Variants in EPHB2 observed in about 807,000 individuals in gnomAD.
The protein encoded by EPHB2 is EPH receptor B2, also known as ephrin type-B receptor 2.
Under a neutral mutation model 96.4 loss-of-function variants are expected in EPHB2, and 18 were observed. The observed-to-expected ratio is 0.19, with a 90% CI of 0.13 to 0.28. EPHB2 has a LOEUF of 0.28. Among genes scored for constraint, EPHB2 ranks in the 10% least tolerant of loss-of-function variants. The probability of loss-of-function intolerance (pLI) is 1.00; values close to 1 mark genes in which losing one functional copy is unlikely to be tolerated. For synonymous variants in EPHB2, 506 were observed against 534.1 expected (o/e 0.95, Z 0.72); for missense variants, 989 against 1,355.4 (o/e 0.73, Z 4.25).
At chr1:22,839,742 C>T (rs761689633) in intron 3 of EPHB2, among the ~76,000 whole-genome samples, 2 of 152,234 alleles carry the variant, frequency 1.3e-5, no homozygotes, top group East Asian at 1.9e-4. Context: ...TAGAAGGCAT[C>T]GTAGCAGGGC....
chr1:22,903,839 GA>G (rs1334451573), intron 9 of EPHB2, among the ~76,000 whole-genome samples: 9 of 151,792 alleles, frequency 5.9e-5, no homozygotes, highest in Admixed American at 2.0e-4. Context: ...GGAGAAATCA[GA>G]AAAAAAACAT....
intron 1 of EPHB2, among the ~76,000 whole-genome samples, chr1:22,779,738 T>A (rs1346934686): frequency 6.6e-6 from 1 of 152,234 alleles, no homozygotes; most frequent in Non-Finnish European, 1.5e-5. Context: ...GTGCTTCAGT[T>A]GCCCTGTCTC....
chr1:22,919,740 A>G lies in EPHB2; in HGVS notation c.*6170A>G, dbSNP rs1640351148. On this transcript the variant is annotated 3_prime_UTR_variant, in exon 16 of 16. Coordinates refer to ENST00000374630, the MANE Select transcript of EPHB2 (RefSeq NM_017449.5). ...GGGAGGAGGTCACAGCCAGGACCAC[A>G]TACACTCTTGGGGGCCCTGCTGAGA... 6.6e-6 allele frequency: 1 copy of G among 152,338 alleles called. No homozygotes were observed. Among genetic ancestry groups the G allele is most frequent in the Admixed American group, 6.5e-5 (1 of 15,284 alleles). The allele number at this position is 152,338 out of a possible 1,614,324, so 9.4% of individuals were successfully genotyped here.
rs146725377 is a variant in EPHB2 at position 22,805,141 on chromosome 1, A to G, written c.811+20065A>G. Among the ~76,000 whole-genome samples the G allele has an allele frequency of 5.6e-3, 839 of 149,928 alleles. 9 individuals carry two copies. Among genetic ancestry groups the G allele is most frequent in the Middle Eastern group, 0.024 (7 of 286 alleles). ...CTCCCAGGGCTGGCATCCTGCAGGT[A>G]CGGGATGAGCCATGCACCCGGAGTC... is the stretch of plus-strand genomic sequence containing the variant. On this transcript the variant is annotated intron_variant, in intron 3 of 15. Coordinates refer to ENST00000374630, the MANE Select transcript of EPHB2 (RefSeq NM_017449.5).
chr1:22,893,006 G>A lies in EPHB2; in HGVS notation c.1551G>A (p.Gly517=). The stretch of plus-strand genomic sequence containing the variant: ...GGGCACGCACCGTGGCAGGTTACGG[G>A]CGCTACAGCGGCAAGATGTACTTCC... The part of the protein sequence containing the change: ...QVRARTVAGY[G]RYSGKMYFQT... Residue 517 remains glycine, a synonymous_variant, in exon 7 of 16, where the codon GGG becomes GGA. Coordinates refer to ENST00000374630, the MANE Select transcript of EPHB2 (RefSeq NM_017449.5). 6.2e-7 allele frequency: 1 copy of A among 1,614,240 alleles called. No individual in the cohort carries two copies. The highest frequency in any genetic ancestry group is 8.5e-7 in the Non-Finnish European group (1 of 1,180,038).
At chr1:22,730,684 C>G (rs1643688859) in intron 1 of EPHB2, among the ~76,000 whole-genome samples, 1 of 152,006 alleles carries the variant, frequency 6.6e-6, no homozygotes, top group African/African-American at 2.4e-5. Flanking sequence ...TGGGCAAAGG[C>G]CCTGTGACAG....
chr1:22,748,257 A>G (rs1644005999), intron 1 of EPHB2, among the ~76,000 whole-genome samples: 1 of 151,992 alleles, frequency 6.6e-6, no homozygotes, highest in Admixed American at 6.6e-5. Flanking sequence ...CCTTCATCAT[A>G]CCCTGCCAAC....
rs776007116 is a variant in EPHB2 at position 22,906,795 on chromosome 1, C to T, written c.1974C>T (p.Gly658=). Residue 658 remains glycine, a synonymous_variant, in exon 11 of 16, where the codon GGC becomes GGT. Coordinates refer to ENST00000374630, the MANE Select transcript of EPHB2 (RefSeq NM_017449.5). This position sits in a 1 kb window ranked among gnomAD's most constrained non-coding sequence, Gnocchi z 4.8. ...IFVAIKTLKS[G]YTEKQRRDFL... is the part of the protein sequence containing the mutation. ...TGGCCATCAAGACGCTCAAGTCGGG[C>T]TACACGGAGAAGCAGCGCCGGGACT... The T allele has an allele frequency of 7.4e-6, 12 of 1,614,092 alleles. No individual in the cohort carries two copies. The Admixed American group carries it at 1.5e-4, about 20-fold the overall frequency.
chr1:22,909,323 G>C, intron 13 of EPHB2, 152 bp downstream of exon 13: 1 of 1,268,438 alleles, frequency 7.9e-7, no homozygotes. Flanking sequence ...CCAGCCCAAT[G>C]GTGGCTGATT....
intron 1 of EPHB2, among the ~76,000 whole-genome samples, chr1:22,711,561 G>A (rs1643145528): frequency 6.6e-6 from 1 of 151,768 alleles, no homozygotes; most frequent in Non-Finnish European, 1.5e-5. Context: ...CGGAGAGCAG[G>A]GACTGGCAGA....
Position 22,784,605 on chromosome 1 carries a change from T to C in EPHB2, c.340T>C (p.Tyr114His), listed in dbSNP as rs1644581088. 6.2e-7 allele frequency: 1 copy of C among 1,614,134 alleles called. No homozygotes were observed. ...CTCCTGCAAGGAGACCTTCAACCTC[T>C]ATTACTATGAGGCTGACTTTGACTC... The part of the protein sequence containing the change: ...PGSCKETFNL[Y>H]YYEADFDSAT... Residue 114 changes from tyrosine (Y) to histidine (H), a missense_variant, in exon 3 of 16, where the codon TAT becomes CAT. Coordinates refer to ENST00000374630, the MANE Select transcript of EPHB2 (RefSeq NM_017449.5). The surrounding 1 kb of genome is among the most constrained non-coding windows in gnomAD (Gnocchi z 5.1).
At chr1:22,732,601 T>C (rs1447047640) in intron 1 of EPHB2, among the ~76,000 whole-genome samples, 2 of 152,176 alleles carry the variant, frequency 1.3e-5, no homozygotes, top group Admixed American at 1.3e-4. Context: ...CTTTTGTGCC[T>C]CTGCTGAAGG....
intron 1 of EPHB2, among the ~76,000 whole-genome samples, chr1:22,773,011 T>G (rs1299979247): frequency 1.3e-5 from 2 of 152,172 alleles, no homozygotes. Context: ...AAGTTTGCTC[T>G]GGGATGTAAA....
intron 1 of EPHB2, among the ~76,000 whole-genome samples, chr1:22,751,062 T>C (rs943426471): frequency 2.0e-5 from 3 of 152,208 alleles, no homozygotes; most frequent in African/African-American, 7.2e-5. Flanking sequence ...TGAGCCAATT[T>C]AAAAGTAAAG....
chr1:22,810,612 C>G (rs1054686652), intron 3 of EPHB2, among the ~76,000 whole-genome samples: 2 of 152,196 alleles, frequency 1.3e-5, no homozygotes, highest in African/African-American at 4.8e-5. Context: ...TTGGGAGTTT[C>G]CCAGTGGGTG....
rs756162736 is a variant in EPHB2, at chr1:22,892,909, C to T, written c.1454C>T (p.Ala485Val). The T allele has an allele frequency of 1.2e-6, 2 of 1,614,206 alleles. No individual in the cohort carries two copies. The highest frequency in any genetic ancestry group is 1.1e-5 in the South Asian group (1 of 91,090). ...EKELSEYNAT[A>V]IKSPTNTVTV... ...GAGCTCAGTGAGTACAACGCCACAG[C>T]CATAAAAAGCCCCACCAACACGGTC... The change falls in exon 7 of 16, where the codon GCC (alanine) becomes GTC (valine). Residue 485 changes from alanine (A) to valine (V), a missense_variant. Ala to Val is a moderately conservative substitution (Grantham distance 64, BLOSUM62 0). Coordinates refer to ENST00000374630, the MANE Select transcript of EPHB2 (RefSeq NM_017449.5).
At chr1:22,740,154 G>A (rs898321794) in intron 1 of EPHB2, among the ~76,000 whole-genome samples, 2 of 152,170 alleles carry the variant, frequency 1.3e-5, no homozygotes, top group Admixed American at 6.5e-5. Flanking sequence ...ATCTTTTTCA[G>A]TGGCACCAAT....
At chr1:22,724,308 A>G (rs1477776821) in intron 1 of EPHB2, among the ~76,000 whole-genome samples, 6 of 152,186 alleles carry the variant, frequency 3.9e-5, no homozygotes, top group African/African-American at 1.4e-4. Context: ...TAATTTGCAT[A>G]CATGGACAGA....
At chr1:22,878,277 T>G (rs1638910940) in intron 5 of EPHB2, among the ~76,000 whole-genome samples, 1 of 152,266 alleles carries the variant, frequency 6.6e-6, no homozygotes, top group Non-Finnish European at 1.5e-5. Flanking sequence ...CCTGCTCTTG[T>G]TCAAGGCTGA....
Sources: gnomAD v4.1 joint callset for allele counts (sites outside exome capture counted in the v4.1 genomes callset) on GRCh38, gnomAD v4.1.1 for gene constraint, Gnocchi (gnomAD v3.1) non-coding constraint, MANE v1.5 for transcripts, NCBI Gene and HGNC (gene_info 2026-07-23, HGNC 2026-07-21) for gene names.